Variants in MCOLN2 observed in about 807,000 individuals in gnomAD.
MCOLN2 encodes the protein mucolipin-2.
A neutral mutation model predicts 67.5 loss-of-function variants in MCOLN2; 57 were observed. The observed-to-expected ratio is 0.84, with a 90% CI of 0.68 to 1.05. MCOLN2 has a LOEUF of 1.05. MCOLN2 is among the 50% of genes least tolerant of loss of function. The pLI is 0.00. For missense variants in MCOLN2, 620 were observed against 678.8 expected, an observed-to-expected ratio of 0.91 and a Z score of 0.96; for synonymous variants, 246 against 233.3, an observed-to-expected ratio of 1.05 and a Z score of -0.50.
At chr1:84,927,743 T>C (rs565911485) in intron 13 of MCOLN2, among the ~76,000 whole-genome samples, 4 of 152,318 alleles carry the variant, frequency 2.6e-5, no homozygotes, top group African/African-American at 9.6e-5. Flanking sequence ...TTAGCCTCCA[T>C]TCACAGCCTT....
Position 84,961,216 on chromosome 1 carries a change from G to A in MCOLN2, c.238-2514C>T, listed in dbSNP as rs374901108. Among the ~76,000 whole-genome samples the A allele has an allele frequency of 1.6e-4, 24 of 152,232 alleles. No homozygotes were observed. In the East Asian group the frequency reaches 2.9e-3, roughly 18 times the overall value. ...CCAGGTCTGATTGATTCTAGAGTCT[G>A]TTTGTTCTCTCAACCTCTTGGCCCC... On this transcript the variant is annotated intron_variant, in intron 2 of 13. Transcript: ENST00000370608.
intron 11 of MCOLN2, among the ~76,000 whole-genome samples, chr1:84,932,029 AAC>A (rs55925234): frequency 0.24 from 35,527 of 148,186 alleles, 4,270 homozygotes; most frequent in South Asian, 0.3. Flanking sequence ...GTCTCTTTAA[AAC>A]ACACACACAC....
intron 13 of MCOLN2, among the ~76,000 whole-genome samples, chr1:84,927,131 A>G (rs1378950969): frequency 6.6e-6 from 1 of 152,078 alleles, no homozygotes; most frequent in African/African-American, 2.4e-5. Context: ...TAGGTGCAGC[A>G]AACCACCATG....
intron 1 of MCOLN2, among the ~76,000 whole-genome samples, chr1:84,995,981 A>G (rs115527315): frequency 0.015 from 2,283 of 152,268 alleles, 18 homozygotes; most frequent in Non-Finnish European, 0.021. Flanking sequence ...AAACTGACCT[A>G]TGAACGGTTT....
chr1:84,979,356 C>A (rs1650142383), intron 1 of MCOLN2, among the ~76,000 whole-genome samples: 1 of 152,112 alleles, frequency 6.6e-6, no homozygotes, highest in Non-Finnish European at 1.5e-5. Flanking sequence ...GATATCAAAA[C>A]CAGACAAAGA....
intron 1 of MCOLN2, among the ~76,000 whole-genome samples, chr1:84,976,595 G>A (rs571412824): frequency 6.6e-6 from 1 of 152,082 alleles, no homozygotes; most frequent in East Asian, 1.9e-4. Flanking sequence ...ATGAAACCCC[G>A]TCTCTACTAA....
intron 1 of MCOLN2, among the ~76,000 whole-genome samples, chr1:84,980,580 G>T (rs7537383): frequency 6.6e-6 from 1 of 151,964 alleles, no homozygotes; most frequent in African/African-American, 2.4e-5. Flanking sequence ...TGGGGAAAAG[G>T]CAGTCTCTTA....
intron 13 of MCOLN2, among the ~76,000 whole-genome samples, chr1:84,927,923 T>C (rs893699605): frequency 2.0e-5 from 3 of 152,184 alleles, no homozygotes; most frequent in African/African-American, 4.8e-5. Context: ...ACCAGCCCCA[T>C]TCCTAGCTTT....
chr1:84,996,741 T>A, intron 1 of MCOLN2, 55 bp downstream of exon 1: 1 of 1,521,644 alleles, frequency 6.6e-7, no homozygotes, highest in South Asian at 1.1e-5. Flanking sequence ...AGCCATCGAC[T>A]TTAGGAAGAT....
chr1:84,996,837 C>T lies in MCOLN2; in HGVS notation c.36G>A (p.Arg12=), dbSNP rs1651180886. Residue 12 remains arginine (R), a synonymous_variant, in exon 1 of 14, where the codon AGG becomes AGA. Coordinates refer to ENST00000370608, the MANE Select transcript of MCOLN2 (RefSeq NM_153259.4). The part of the protein sequence containing the change: ...ARQPYRFPQA[R]IPERGSGVFR... ...AAACACCTGATCCTCTCTCCGGAATCCTTGCCTGGGGAAAACGATAAGGCT... is the reference window on the plus strand; with the variant it reads ...AAACACCTGATCCTCTCTCCGGAATTCTTGCCTGGGGAAAACGATAAGGCT... The T allele has an allele frequency of 2.5e-6, 4 of 1,614,176 alleles. No homozygotes were observed. Among genetic ancestry groups the T allele is most frequent in the Non-Finnish European group, 3.4e-6 (4 of 1,180,012 alleles).
intron 2 of MCOLN2, among the ~76,000 whole-genome samples, chr1:84,961,544 TA>T (rs1649088475): frequency 6.6e-6 from 1 of 152,082 alleles, no homozygotes; most frequent in Admixed American, 6.6e-5. Context: ...CAAGCCAAGA[TA>T]AAAATGTATG....
rs572735562 is a variant in MCOLN2 at position 84,987,557 on chromosome 1, T to G, written c.77+9239A>C. On this transcript the variant is annotated intron_variant, in intron 1 of 13. Coordinates refer to ENST00000370608, the MANE Select transcript of MCOLN2 (RefSeq NM_153259.4). The stretch of plus-strand genomic sequence containing the variant: ...CTATGTATACATAGATGTATACATC[T>G]ATGTATACATAGATGTATACATAGA... Among the ~76,000 whole-genome samples, 75 of 80,832 alleles carry G rather than the reference T, an allele frequency of 9.3e-4. 3 individuals are homozygous for G. Among genetic ancestry groups the G allele is most frequent in the African/African-American group, 3.1e-3 (74 of 23,704 alleles). The allele number at this position is 80,832 out of a possible 152,430, so 53.0% of individuals were successfully genotyped here.
intron 7 of MCOLN2, among the ~76,000 whole-genome samples, chr1:84,941,461 C>T (rs1963896): frequency 0.53 from 80,352 of 152,092 alleles, 21,935 homozygotes; most frequent in East Asian, 0.74. Flanking sequence ...CGTGCCACTG[C>T]GCTCCAGCCT....
chr1:84,978,685 G>A (rs1650110668), intron 1 of MCOLN2, among the ~76,000 whole-genome samples: 1 of 152,076 alleles, frequency 6.6e-6, no homozygotes, highest in African/African-American at 2.4e-5. Context: ...AACAAGTAAT[G>A]AGATCGAAGC....
intron 1 of MCOLN2, among the ~76,000 whole-genome samples, chr1:84,985,953 A>T (rs1650484536): frequency 6.6e-6 from 1 of 152,210 alleles, no homozygotes; most frequent in Admixed American, 6.5e-5. Context: ...CCTAAAATTC[A>T]TATGGAACCA....
At chr1:84,931,190 T>A (rs1331225707) in intron 12 of MCOLN2, among the ~76,000 whole-genome samples, 172 bp downstream of exon 12, 2 of 152,180 alleles carry the variant, frequency 1.3e-5, no homozygotes, top group Non-Finnish European at 2.9e-5. Flanking sequence ...TCCACCCTGC[T>A]GTGGGTAACA....
In MCOLN2 at chr1:84,947,039, C is replaced by T. The variant is rs146406791; in HGVS notation, c.841G>A (p.Gly281Arg). 2.0e-3 allele frequency: 3,061 copies of T among 1,498,232 alleles called. 7 individuals carry two copies. The highest frequency in any genetic ancestry group is 2.6e-3 in the Non-Finnish European group (2,807 of 1,075,520). 92.8% of individuals were successfully genotyped at this position (1,498,232 alleles called of 1,614,324 possible). The part of the protein sequence containing the change: ...IEECKDLNIF[G>R]STQKNAQYVL... ...AAGTATATAGCATACTTACTAGATC[C>T]AAATATGTTCAAGTCTTTACATTCT... Residue 281 changes from glycine to arginine, a missense_variant, in exon 7 of 14, where the codon GGA becomes AGA. Physicochemically the swap from Gly to Arg is moderately radical, Grantham distance 125. Transcript: ENST00000370608.
chr1:84,989,660 A>C (rs971777702), intron 1 of MCOLN2, among the ~76,000 whole-genome samples: 2 of 152,174 alleles, frequency 1.3e-5, no homozygotes, highest in African/African-American at 4.8e-5. Context: ...AAAAATTTAG[A>C]AGATGTAAAA....
chr1:84,940,072 G>C (rs1647669377), intron 8 of MCOLN2, among the ~76,000 whole-genome samples: 1 of 152,120 alleles, frequency 6.6e-6, no homozygotes, highest in African/African-American at 2.4e-5. Context: ...GCACCGAGAG[G>C]CTAAGCCAGG....
Sources: gnomAD v4.1 joint callset for allele counts (sites outside exome capture counted in the v4.1 genomes callset) on GRCh38, gnomAD v4.1.1 for gene constraint, MANE v1.5 for transcripts, NCBI Gene and HGNC (gene_info 2026-07-23, HGNC 2026-07-21) for gene names.